GPC4: variants seen among roughly 807,000 people sequenced by gnomAD.
The protein encoded by GPC4 is glypican-4.
A neutral mutation model predicts 35.0 loss-of-function variants in GPC4; 10 were observed. The ratio of observed to expected loss-of-function variants is 0.29; its 90% CI spans 0.18 to 0.48. The LOEUF (loss-of-function observed/expected upper bound fraction) is 0.48. Among genes scored for constraint, GPC4 ranks in the 20% least tolerant of loss-of-function variants. The pLI is 0.99. For missense variants in GPC4, 322 were observed against 451.3 expected, an observed-to-expected ratio of 0.71 and a Z score of 2.60; for synonymous variants, 167 against 170.2, an observed-to-expected ratio of 0.98 and a Z score of 0.15.
chrX:133,401,173 T>C (rs1403726986), intron 1 of GPC4, among the ~76,000 whole-genome samples: 1 of 111,509 alleles, frequency 9.0e-6, no homozygotes, highest in Non-Finnish European at 1.9e-5. Context: ...GAAGACCTCG[T>C]GGGCTGGCAC....
chrX:133,302,863 A>G lies in GPC4; in HGVS notation c.*4T>C. ...GATGAACACTTTTTCTCAGAGTTTG[A>G]GAATTATCTCCACTCTCTCTGCATA... On this transcript the variant is annotated 3_prime_UTR_variant, in exon 9 of 9. Transcript: ENST00000370828. 8.3e-7 allele frequency: 1 copy of G among 1,205,049 alleles called. No individual in the cohort carries two copies. The highest frequency in any genetic ancestry group is 1.1e-6 in the Non-Finnish European group (1 of 890,359).
intron 2 of GPC4, among the ~76,000 whole-genome samples, chrX:133,328,318 G>T (rs1603066525): frequency 9.0e-6 from 1 of 110,974 alleles, no homozygotes; most frequent in African/African-American, 3.3e-5. Context: ...GCCTCAAAGG[G>T]ACCTCATAAG....
chrX:133,342,820 T>C (rs944628889), intron 1 of GPC4, among the ~76,000 whole-genome samples: 5 of 111,229 alleles, frequency 4.5e-5, no homozygotes, highest in African/African-American at 9.8e-5. Context: ...TTTTTTTTTT[T>C]AACTTGAATA....
At chrX:133,373,758 A>T (rs1175072937) in intron 1 of GPC4, among the ~76,000 whole-genome samples, 1 of 112,169 alleles carries the variant, frequency 8.9e-6, no homozygotes, top group African/African-American at 3.2e-5. Context: ...ACTATCTCCA[A>T]CTTTGACACT....
At position 133,305,927 on chromosome X, in the gene GPC4, G is replaced by A. The variant is rs2068288481; in HGVS notation, c.1009-9C>T. On this transcript the variant is annotated splice_polypyrimidine_tract_variant and intron_variant, in intron 5 of 8. Transcript: ENST00000370828. The stretch of plus-strand genomic sequence containing the variant: ...CCACATCCCTGGAAAACCTGCATTA[G>A]AGTAAGTGTCGTCATGTTAGGGAAG... 8 of 1,211,280 alleles carry A rather than the reference G, an allele frequency of 6.6e-6. No individual in the cohort carries two copies. Among genetic ancestry groups the A allele is most frequent in the Non-Finnish European group, 7.8e-6 (7 of 895,273 alleles).
intron 1 of GPC4, among the ~76,000 whole-genome samples, chrX:133,390,132 G>A (rs1352470065): frequency 1.8e-5 from 2 of 110,758 alleles, no homozygotes; most frequent in Non-Finnish European, 3.8e-5. Flanking sequence ...TTCTCGTTAT[G>A]ATCTAAGCTA....
chrX:133,359,794 C>G (rs781570280), intron 1 of GPC4, among the ~76,000 whole-genome samples: 2 of 111,404 alleles, frequency 1.8e-5, no homozygotes, highest in East Asian at 5.7e-4. Context: ...TGGTATCCAC[C>G]AGCCAGTTTT....
At chrX:133,377,939 G>A (rs1274192076) in intron 1 of GPC4, among the ~76,000 whole-genome samples, 1 of 85,652 alleles carries the variant, frequency 1.2e-5, no homozygotes, top group East Asian at 3.4e-4. Context: ...CTGTCACCCT[G>A]GCTGGAGTGC....
chrX:133,413,633 C>G (rs758208775), intron 1 of GPC4, among the ~76,000 whole-genome samples: 6 of 110,390 alleles, frequency 5.4e-5, no homozygotes, highest in South Asian at 4.0e-4. Flanking sequence ...AGGCTCAGCC[C>G]CCCCCCCGGG....
chrX:133,342,943 T>C (rs2068473414), intron 1 of GPC4, among the ~76,000 whole-genome samples: 1 of 111,891 alleles, frequency 8.9e-6, no homozygotes, highest in Admixed American at 9.5e-5. Context: ...TGTGCCTGAG[T>C]GAGAAATCTT....
At chrX:133,356,528 A>G (rs138889973) in intron 1 of GPC4, among the ~76,000 whole-genome samples, 1,686 of 111,364 alleles carry the variant, frequency 0.015, 42 homozygotes, top group African/African-American at 0.052. Flanking sequence ...TACAGGTGTG[A>G]GCCACCACAC....
In GPC4 at chrX:133,303,428, G is replaced by A. The variant is rs779135205; in HGVS notation, c.1293-87C>T. 1.5e-4 allele frequency: 120 copies of A among 788,526 alleles called. 1 individual carries two copies. The highest frequency in any genetic ancestry group is 1.2e-3 in the African/African-American group (59 of 47,676). The allele number at this position is 788,526 out of a possible 1,213,427, so 65.0% of individuals were successfully genotyped here. ...CTCCCAAAGTGCTGGGATTACAGGC[G>A]TGAAGATTATGAAGATTATACAAGA... On this transcript the variant is annotated intron_variant, in intron 7 of 8. Transcript: ENST00000370828.
chrX:133,326,978 G>A (rs933557976), intron 2 of GPC4, among the ~76,000 whole-genome samples: 6 of 112,622 alleles, frequency 5.3e-5, no homozygotes, highest in African/African-American at 1.6e-4. Flanking sequence ...CGTGGATTGC[G>A]TTATTATATG....
chrX:133,324,347 T>G lies in GPC4; in HGVS notation c.509A>C (p.Glu170Ala), dbSNP rs752342875. 8.3e-7 allele frequency: 1 copy of G among 1,211,438 alleles called. No individual in the cohort carries two copies. Among genetic ancestry groups the G allele is most frequent in the Non-Finnish European group, 1.1e-6 (1 of 895,403 alleles). The change falls in exon 3 of 9, where the codon GAG becomes GCG. Residue 170 changes from glutamate (E) to alanine (A), a missense_variant. Coordinates refer to ENST00000370828, the MANE Select transcript of GPC4 (RefSeq NM_001448.3). ...MLNDFWARLL[E>A]RMFRLVNSQY... ...GGAGTTCACCAGGCGGAACATCCGC[T>G]CCAGGAGGCGAGCCCAGAAGTCATT...
At position 133,339,218 on chromosome X, in the gene GPC4, T is replaced by C. The variant is rs2068456211; in HGVS notation, c.284A>G (p.Gln95Arg). 1 of 1,211,548 alleles carries C rather than the reference T, an allele frequency of 8.3e-7. No homozygotes were observed. Among genetic ancestry groups the C allele is most frequent in the Non-Finnish European group, 1.1e-6 (1 of 895,356 alleles). Residue 95 changes from glutamine to arginine, a missense_variant, in exon 2 of 9, where the codon CAA (glutamine) becomes CGA (arginine). Physicochemically the swap from Gln to Arg is conservative, Grantham distance 43 (BLOSUM62 1). This residue lies in a region of GPC4 where 163 missense variants were observed against 277.2 expected (regional missense o/e 0.59). Transcript: ENST00000370828. ...SVVSEQCNHL[Q>R]AVFASRYKKF... Reference sequence around the variant, plus strand: ...CTTGTAACGTGAAGCAAAGACAGCTTGCAAATGATTGCACTGTTCGCTGAC... The same window carrying C: ...CTTGTAACGTGAAGCAAAGACAGCTCGCAAATGATTGCACTGTTCGCTGAC...
chrX:133,357,040 T>G (rs1042132540), intron 1 of GPC4, among the ~76,000 whole-genome samples: 1 of 111,190 alleles, frequency 9.0e-6, no homozygotes, highest in Non-Finnish European at 1.9e-5. Context: ...CATAACAGCT[T>G]CAAAGGTAAA....
chrX:133,304,558 C>G (rs190976045), intron 7 of GPC4, among the ~76,000 whole-genome samples, 167 bp downstream of exon 7: 1 of 112,064 alleles, frequency 8.9e-6, no homozygotes, highest in Non-Finnish European at 1.9e-5. Context: ...TCTCAACACT[C>G]CTAGTGCAAA....
chrX:133,410,770 A>C lies in GPC4; in HGVS notation c.160+4036T>G, dbSNP rs1293076503. 1.8e-5 allele frequency among the ~76,000 whole-genome samples: 2 copies of C among 112,716 alleles called. 1 individual carries two copies. The highest frequency in any genetic ancestry group is 3.7e-5 in the Non-Finnish European group (2 of 53,394). The stretch of plus-strand genomic sequence containing the variant: ...ATGCTGAATCAGACATTTTATATTT[A>C]TATGTTCTAACCAGAGACTGAGCTG... On this transcript the variant is annotated intron_variant, in intron 1 of 8. Coordinates refer to ENST00000370828, the MANE Select transcript of GPC4 (RefSeq NM_001448.3).
At chrX:133,354,125 C>G (rs1268335593) in intron 1 of GPC4, among the ~76,000 whole-genome samples, 1 of 111,614 alleles carries the variant, frequency 9.0e-6, no homozygotes, top group Non-Finnish European at 1.9e-5. Flanking sequence ...ATTTTTAGCC[C>G]CTCTCCTTGA....
Sources: allele counts gnomAD v4.1 joint callset (sites outside exome capture counted in the v4.1 genomes callset), GRCh38; gene constraint gnomAD v4.1.1; regional missense constraint gnomAD v4.1.1; transcripts MANE v1.5; gene names NCBI Gene and HGNC (gene_info 2026-07-23, HGNC 2026-07-21).